PLCH1: variants seen among roughly 807,000 people sequenced by gnomAD.
PLCH1 encodes 1-phosphatidylinositol 4,5-bisphosphate phosphodiesterase eta-1.
A neutral mutation model predicts 126.7 loss-of-function variants in PLCH1; 60 were observed. That is an observed-to-expected ratio of 0.47 (90% confidence interval 0.38 to 0.59). The LOEUF (loss-of-function observed/expected upper bound fraction) is 0.59. Among genes scored for constraint, PLCH1 ranks in the 20% least tolerant of loss-of-function variants. The probability of loss-of-function intolerance (pLI) is 0.00; values close to 1 mark genes in which losing one functional copy is unlikely to be tolerated. For missense variants in PLCH1, 1,723 were observed against 2,040.0 expected, an observed-to-expected ratio of 0.84 and a Z score of 2.99; for synonymous variants, 719 against 734.9, an observed-to-expected ratio of 0.98 and a Z score of 0.35.
chr3:155,488,029 T>C lies in PLCH1; in HGVS notation c.2618A>G (p.Lys873Arg). 6.4e-7 allele frequency: 1 copy of C among 1,557,720 alleles called. No individual in the cohort carries two copies. Among genetic ancestry groups the C allele is most frequent in the South Asian group, 1.1e-5 (1 of 89,968 alleles). Reference sequence around the variant, plus strand: ...TTTAAATCCTATGATCTTTCTCACCTTTCCATAGATTTCATTGATGGTTAT... The same window carrying C: ...TTTAAATCCTATGATCTTTCTCACCCTTCCATAGATTTCATTGATGGTTAT... Reference protein sequence around the residue: ...VHITINEIYGKNRQLQGLKGL... With the variant: ...VHITINEIYGRNRQLQGLKGL... The change falls in exon 21 of 23, where the codon AAG becomes AGG. Residue 873 changes from lysine (K) to arginine (R), a missense_variant and splice_region_variant. Lys to Arg is a conservative substitution (Grantham distance 26). Around this residue, in one of 2 missense-constraint regions of PLCH1, gnomAD observed 947 missense variants for 977.1 expected, o/e 0.97. Coordinates refer to ENST00000460012, the MANE Select transcript of PLCH1 (RefSeq NM_014996.4).
intron 1 of PLCH1, among the ~76,000 whole-genome samples, chr3:155,719,351 C>T (rs1396733126): frequency 6.6e-6 from 1 of 151,842 alleles, no homozygotes; most frequent in Non-Finnish European, 1.5e-5. Context: ...GAACATCACA[C>T]ACCGGGGCCT....
intron 1 of PLCH1, among the ~76,000 whole-genome samples, chr3:155,725,557 C>T (rs1489848618): frequency 6.6e-6 from 1 of 151,718 alleles, no homozygotes; most frequent in Non-Finnish European, 1.5e-5. Context: ...AAGCAATTCT[C>T]CTACCTCATC....
At position 155,617,536 on chromosome 3, in the gene PLCH1, T is replaced by C. The variant is rs561063407; in HGVS notation, c.80-21158A>G. Among the ~76,000 whole-genome samples the C allele has an allele frequency of 3.9e-5, 6 of 152,360 alleles. No homozygotes were observed. The East Asian group carries it at 9.6e-4, about 24-fold the overall frequency. The stretch of plus-strand genomic sequence containing the variant: ...AGCTTTTAACAATGAAGTATACTCC[T>C]GTGAGCAAAATTTGGAGAATGTTTC... On this transcript the variant is annotated intron_variant, in intron 2 of 22. Coordinates refer to ENST00000460012, the MANE Select transcript of PLCH1 (RefSeq NM_014996.4).
intron 13 of PLCH1, among the ~76,000 whole-genome samples, chr3:155,502,000 TG>T (rs1448251582): frequency 4.0e-5 from 6 of 148,888 alleles, no homozygotes; most frequent in African/African-American, 1.5e-4. Flanking sequence ...GATTTTCTCA[TG>T]CTTCTCCTAA....
intron 2 of PLCH1, among the ~76,000 whole-genome samples, chr3:155,671,253 A>C (rs1258733963): frequency 3.3e-5 from 5 of 152,176 alleles, no homozygotes. Context: ...TGCACTTCAC[A>C]GAGTTATGAT....
intron 2 of PLCH1, among the ~76,000 whole-genome samples, chr3:155,622,225 A>C (rs1374367540): frequency 6.6e-6 from 1 of 152,204 alleles, no homozygotes; most frequent in East Asian, 1.9e-4. Context: ...AGATTTTGTC[A>C]CCACCAGGCC....
At chr3:155,491,816 T>C (rs1716254033) in intron 18 of PLCH1, among the ~76,000 whole-genome samples, 1 of 152,142 alleles carries the variant, frequency 6.6e-6, no homozygotes, top group Admixed American at 6.5e-5. Context: ...TCTGCCTTGA[T>C]CTGGGTGGCA....
chr3:155,544,261 A>T (rs1425370347), intron 10 of PLCH1, among the ~76,000 whole-genome samples: 1 of 152,236 alleles, frequency 6.6e-6, no homozygotes. Context: ...AACAGATTTT[A>T]AACCAACAAA....
chr3:155,703,924 A>G (rs920328633), intron 2 of PLCH1, among the ~76,000 whole-genome samples: 1 of 152,144 alleles, frequency 6.6e-6, no homozygotes, highest in African/African-American at 2.4e-5. Flanking sequence ...TACGAAATAG[A>G]AAGAGATAAC....
chr3:155,677,976 G>A (rs1019998605), intron 2 of PLCH1, among the ~76,000 whole-genome samples: 1 of 152,072 alleles, frequency 6.6e-6, no homozygotes, highest in Non-Finnish European at 1.5e-5. Context: ...TGTCTGCCCA[G>A]AACCAAACAT....
At chr3:155,744,507 C>T (rs1202814603) in intron 1 of PLCH1, among the ~76,000 whole-genome samples, 4 of 152,188 alleles carry the variant, frequency 2.6e-5, no homozygotes, top group Non-Finnish European at 5.9e-5. Flanking sequence ...GTGAAGCATC[C>T]TGCAGCGAGG....
At chr3:155,712,372 C>T (rs922555066) in intron 1 of PLCH1, among the ~76,000 whole-genome samples, 1 of 152,194 alleles carries the variant, frequency 6.6e-6, no homozygotes, top group African/African-American at 2.4e-5. Flanking sequence ...AAGCAAAACA[C>T]AAAACCTTTT....
chr3:155,530,329 C>CTT (rs764111486), intron 10 of PLCH1, among the ~76,000 whole-genome samples: 5 of 142,826 alleles, frequency 3.5e-5, no homozygotes, highest in African/African-American at 5.1e-5. Flanking sequence ...GGCTCCACTT[C>CTT]TTTTTTTTTT....
intron 21 of PLCH1, among the ~76,000 whole-genome samples, chr3:155,486,521 T>G (rs868081728): frequency 0.068 from 9,767 of 144,680 alleles, 353 homozygotes; most frequent in South Asian, 0.13. Flanking sequence ...TTGTTTTTTT[T>G]TTTTTTTTTT....
At chr3:155,479,523 C>T (rs1713707970), downstream of PLCH1, among the ~76,000 whole-genome samples, 1 of 152,064 alleles carries the variant, frequency 6.6e-6, no homozygotes, top group African/African-American at 2.4e-5. Flanking sequence ...CAAACATAAC[C>T]TCTCACTTGC....
At chr3:155,517,642 C>T (rs187459172) in intron 11 of PLCH1, among the ~76,000 whole-genome samples, 1 of 152,266 alleles carries the variant, frequency 6.6e-6, no homozygotes, top group Admixed American at 6.5e-5. Context: ...ATTTAGGGCC[C>T]ACGTGGTTAA....
intron 13 of PLCH1, among the ~76,000 whole-genome samples, chr3:155,501,282 A>G (rs1717852127): frequency 6.6e-6 from 1 of 152,202 alleles, no homozygotes; most frequent in African/African-American, 2.4e-5. Context: ...ATGATCATCT[A>G]AATCAAATTT....
intron 10 of PLCH1, among the ~76,000 whole-genome samples, chr3:155,547,077 G>A (rs1183658897): frequency 1.4e-5 from 2 of 147,172 alleles, no homozygotes; most frequent in East Asian, 4.0e-4. Context: ...CACAGCAAAA[G>A]AAACTACCAT....
At chr3:155,673,717 T>C (rs918730766) in intron 2 of PLCH1, among the ~76,000 whole-genome samples, 1 of 152,156 alleles carries the variant, frequency 6.6e-6, no homozygotes, top group Non-Finnish European at 1.5e-5. Context: ...ATTGCTATGG[T>C]TTCTTCCTGC....
Sources: allele counts gnomAD v4.1 joint callset (sites outside exome capture counted in the v4.1 genomes callset), GRCh38; gene constraint gnomAD v4.1.1; regional missense constraint gnomAD v4.1.1; transcripts MANE v1.5; gene names NCBI Gene and HGNC (gene_info 2026-07-23, HGNC 2026-07-21).